Variants in TLN2 observed in about 807,000 individuals in gnomAD.
TLN2 encodes talin-2.
TLN2 carries 118 observed loss-of-function variants against 294.7 expected under a neutral mutation model. The observed-to-expected ratio is 0.40, with a 90% CI of 0.34 to 0.47. The LOEUF is 0.47. Ranked by LOEUF, TLN2 falls within the 20% of genes least tolerant of loss-of-function variation. The probability of loss-of-function intolerance (pLI) is 0.84; values close to 1 mark genes in which losing one functional copy is unlikely to be tolerated. For missense variants in TLN2, 3,083 were observed against 3,282.2 expected, an observed-to-expected ratio of 0.94 and a Z score of 1.48; for synonymous variants, 1,431 against 1,304.5, an observed-to-expected ratio of 1.10 and a Z score of -2.09.
At chr15:62,463,171 T>C (rs907960632) in intron 1 of TLN2, among the ~76,000 whole-genome samples, 4 of 152,236 alleles carry the variant, frequency 2.6e-5, no homozygotes, top group Admixed American at 2.0e-4. Flanking sequence ...AAAAGGCTCT[T>C]GTGTCTTTCA....
intron 55 of TLN2, 87 bp downstream of exon 55, chr15:62,833,716 G>T: frequency 6.5e-7 from 1 of 1,528,534 alleles, no homozygotes. Flanking sequence ...CTTTTGTCCT[G>T]ACCAAGGAAA....
intron 1 of TLN2, among the ~76,000 whole-genome samples, chr15:62,555,327 TC>T (rs1302095956): frequency 2.0e-5 from 3 of 152,242 alleles, no homozygotes; most frequent in African/African-American, 4.8e-5. Flanking sequence ...GTTGAAGTGT[TC>T]CTTTATATTA....
chr15:62,709,038 A>T (rs1214738769), intron 21 of TLN2, among the ~76,000 whole-genome samples: 2 of 152,124 alleles, frequency 1.3e-5, no homozygotes, highest in African/African-American at 4.8e-5. Flanking sequence ...ATTTTGTTAG[A>T]TTTACAGTGA....
At chr15:62,789,902 C>G (rs1449230847) in intron 45 of TLN2, among the ~76,000 whole-genome samples, 1 of 152,202 alleles carries the variant, frequency 6.6e-6, no homozygotes, top group Non-Finnish European at 1.5e-5. Context: ...TGCTGTCAAC[C>G]TTTCACTCAT....
chr15:62,720,312 C>T (rs185699477), intron 25 of TLN2, among the ~76,000 whole-genome samples: 2 of 152,172 alleles, frequency 1.3e-5, no homozygotes, highest in Admixed American at 6.5e-5. Context: ...GGCAATTGTA[C>T]AGTTAGTATT....
At chr15:62,482,602 CAAAAAAAAAAAA>C (rs781297837) in intron 1 of TLN2, among the ~76,000 whole-genome samples, 40 of 75,776 alleles carry the variant, frequency 5.3e-4, no homozygotes, top group African/African-American at 1.8e-3. Flanking sequence ...AACGTTGTCT[CAAAAAAAAAAAA>C]AAAAAAAAAA....
intron 1 of TLN2, among the ~76,000 whole-genome samples, chr15:62,568,456 T>A (rs1053224865): frequency 6.6e-6 from 1 of 152,162 alleles, no homozygotes; most frequent in African/African-American, 2.4e-5. Flanking sequence ...AGGTACAATT[T>A]AAAGAAAAGG....
rs756166859 is a variant in TLN2, at chr15:62,722,394, C to G, written c.3033C>G (p.Pro1011=). 1.9e-6 allele frequency: 3 copies of G among 1,613,390 alleles called. No individual in the cohort carries two copies. The highest frequency in any genetic ancestry group is 1.7e-4 in the Middle Eastern group (1 of 5,882). ...TGTCCTCTGCCAAAGCCGCAGTGCC[C>G]ACCGTGAGTGACCAGGCCGCAGCCA... is the stretch of plus-strand genomic sequence containing the variant. ...KMVSSAKAAV[P]TVSDQAAAMQ... The change falls in exon 26 of 59, where the codon CCC becomes CCG. Residue 1011 remains proline (P), a synonymous_variant. Transcript: ENST00000636159.
intron 1 of TLN2, among the ~76,000 whole-genome samples, chr15:62,467,094 C>T (rs1161609625): frequency 6.6e-6 from 1 of 152,192 alleles, no homozygotes; most frequent in East Asian, 1.9e-4. Context: ...TGACCATTGC[C>T]TTATGAGTTA....
intron 37 of TLN2, among the ~76,000 whole-genome samples, chr15:62,759,230 A>C (rs2062504778): frequency 6.6e-6 from 1 of 152,228 alleles, no homozygotes; most frequent in Admixed American, 6.5e-5. Context: ...AGCAGAGTTC[A>C]GAAGTGAAAT....
chr15:62,761,867 T>C, intron 38 of TLN2, 46 bp downstream of exon 38: 1 of 1,608,356 alleles, frequency 6.2e-7, no homozygotes, highest in Non-Finnish European at 8.5e-7. Flanking sequence ...TTTGGCTAAC[T>C]TTGTGTGGCA....
In TLN2 at chr15:62,763,738, T is replaced by C. The variant is rs781635069; in HGVS notation, c.5094+43T>C. ...GGGCCTGCTTAGTCGCCTCTAGATA[T>C]GTTGAAAAACCTTAGCATCAGACTT... On this transcript the variant is annotated intron_variant, in intron 40 of 58. Transcript: ENST00000636159. The C allele has an allele frequency of 5.2e-6, 8 of 1,536,580 alleles. No individual in the cohort carries two copies. The South Asian group carries it at 7.2e-5, about 14-fold the overall frequency.
intron 48 of TLN2, among the ~76,000 whole-genome samples, chr15:62,799,966 G>T (rs1451932161): frequency 6.6e-6 from 1 of 152,228 alleles, no homozygotes; most frequent in Non-Finnish European, 1.5e-5. Flanking sequence ...GGCAGGCAGG[G>T]CTGTTGTGGG....
intron 11 of TLN2, among the ~76,000 whole-genome samples, chr15:62,679,156 C>A (rs1404770637): frequency 6.6e-6 from 1 of 151,918 alleles, no homozygotes; most frequent in Non-Finnish European, 1.5e-5. Flanking sequence ...AAATTGGAAC[C>A]CCCATAACCT....
At chr15:62,542,943 C>T (rs924156930) in intron 1 of TLN2, among the ~76,000 whole-genome samples, 1 of 152,124 alleles carries the variant, frequency 6.6e-6, no homozygotes, top group African/African-American at 2.4e-5. Flanking sequence ...TTGCCTTAAA[C>T]CAGTCATTGT....
At chr15:62,649,846 A>C (rs1241105512) in intron 4 of TLN2, among the ~76,000 whole-genome samples, 1 of 152,238 alleles carries the variant, frequency 6.6e-6, no homozygotes, top group Non-Finnish European at 1.5e-5. Context: ...ACACAACTAC[A>C]GCCCACTGGT....
At chr15:62,685,608 T>C (rs905882275) in intron 11 of TLN2, among the ~76,000 whole-genome samples, 2 of 152,212 alleles carry the variant, frequency 1.3e-5, no homozygotes, top group African/African-American at 4.8e-5. Context: ...AGTGACCCGC[T>C]TCACATCTTC....
At chr15:62,565,712 T>TA (rs2043338702) in intron 1 of TLN2, among the ~76,000 whole-genome samples, 1 of 152,238 alleles carries the variant, frequency 6.6e-6, no homozygotes, top group South Asian at 2.1e-4. Context: ...TCCATCCTCT[T>TA]ACGTTTCAAA....
In TLN2 at chr15:62,464,456, G is replaced by C. The variant is rs2036995615; in HGVS notation, c.-238+73771G>C. Among the ~76,000 whole-genome samples the C allele has an allele frequency of 2.0e-5, 3 of 151,996 alleles. No homozygotes were observed. The South Asian group carries it at 6.2e-4, about 32-fold the overall frequency. On this transcript the variant is annotated intron_variant, in intron 1 of 58. Transcript: ENST00000636159. ...GGGGAGTGGGGAGGGATAGCATTAG[G>C]AGAAATACCTAACGTAAATGATGAG... is the stretch of plus-strand genomic sequence containing the variant.
Sources: allele counts gnomAD v4.1 joint callset (sites outside exome capture counted in the v4.1 genomes callset), GRCh38; gene constraint gnomAD v4.1.1; transcripts MANE v1.5; gene names NCBI Gene and HGNC (gene_info 2026-07-23, HGNC 2026-07-21).